The following SH2D4B variants were observed in gnomAD, a reference collection of about 807,000 sequenced individuals.
The protein encoded by SH2D4B is SH2 domain-containing protein 4B.
In SH2D4B, 45 loss-of-function variants were observed where a neutral mutation model predicts 61.5. That is an observed-to-expected ratio of 0.73 (90% confidence interval 0.58 to 0.94). The LOEUF (loss-of-function observed/expected upper bound fraction) is 0.94. Among genes scored for constraint, SH2D4B ranks in the 40% least tolerant of loss-of-function variants. The pLI is 0.00. For missense variants in SH2D4B, 572 were observed against 574.2 expected (o/e 1.00, Z 0.04); for synonymous variants, 224 against 220.4 (o/e 1.02, Z -0.14).
intron 7 of SH2D4B, among the ~76,000 whole-genome samples, chr10:80,635,573 C>G (rs7903153): frequency 6.6e-6 from 1 of 152,122 alleles, no homozygotes; most frequent in South Asian, 2.1e-4. Flanking sequence ...CACAGATACT[C>G]GGGCACTGAG....
At chr10:80,544,371 C>T (rs527741617) in intron 1 of SH2D4B, among the ~76,000 whole-genome samples, 12 of 152,302 alleles carry the variant, frequency 7.9e-5, no homozygotes, top group South Asian at 4.1e-4. Context: ...CCGGATACAC[C>T]GCTTTTAAGA....
At chr10:80,578,715 C>T (rs1386927330) in intron 3 of SH2D4B, among the ~76,000 whole-genome samples, 1 of 152,004 alleles carries the variant, frequency 6.6e-6, no homozygotes, top group Non-Finnish European at 1.5e-5. Flanking sequence ...AGGATGTGGT[C>T]AGATGAAGTT....
chr10:80,576,358 G>A (rs913437544), intron 3 of SH2D4B, among the ~76,000 whole-genome samples: 1 of 152,226 alleles, frequency 6.6e-6, no homozygotes, highest in South Asian at 2.1e-4. Context: ...TTTGATAAAT[G>A]TGAATGTTTA....
chr10:80,574,235 T>G (rs1842097119), intron 3 of SH2D4B, among the ~76,000 whole-genome samples: 1 of 152,130 alleles, frequency 6.6e-6, no homozygotes, highest in African/African-American at 2.4e-5. Context: ...CTCCTGGGCT[T>G]AAGTGATCCT....
intron 3 of SH2D4B, among the ~76,000 whole-genome samples, chr10:80,585,333 T>G (rs1038657094): frequency 6.6e-6 from 1 of 151,534 alleles, no homozygotes. Context: ...TTTCTTTTTT[T>G]TTTTTTTGAG....
chr10:80,563,741 T>C (rs906095648), intron 1 of SH2D4B, among the ~76,000 whole-genome samples: 3 of 152,192 alleles, frequency 2.0e-5, no homozygotes, highest in Non-Finnish European at 4.4e-5. Flanking sequence ...TTTTAAAGAA[T>C]GTACAGGGGC....
intron 3 of SH2D4B, among the ~76,000 whole-genome samples, chr10:80,577,814 G>A (rs982095655): frequency 4.6e-5 from 7 of 151,180 alleles, no homozygotes; most frequent in African/African-American, 9.7e-5. Flanking sequence ...TGCCTGCCTC[G>A]GCCTCCCAAA....
In SH2D4B at chr10:80,544,103, A is replaced by G. The variant is rs1265308567; in HGVS notation, c.184+5588A>G. Among the ~76,000 whole-genome samples the G allele has an allele frequency of 5.9e-5, 9 of 152,228 alleles. 1 individual carries two copies. In the South Asian group the frequency reaches 1.2e-3, roughly 21 times the overall value. On this transcript the variant is annotated intron_variant, in intron 1 of 7. Coordinates refer to ENST00000646907, the MANE Select transcript of SH2D4B (RefSeq NM_001388272.1). ...AAGCTTTGTTCTTTTGCTCTTTGCA[A>G]TAAATCTTGCTATTGCTCACTGTGG...
At chr10:80,564,693 T>G (rs909471725) in intron 1 of SH2D4B, among the ~76,000 whole-genome samples, 1 of 152,242 alleles carries the variant, frequency 6.6e-6, no homozygotes, top group Admixed American at 6.5e-5. Context: ...CTGAATCCTA[T>G]TTTATTCAAC....
chr10:80,622,652 C>T (rs1481413726), intron 6 of SH2D4B, among the ~76,000 whole-genome samples: 1 of 152,202 alleles, frequency 6.6e-6, no homozygotes, highest in Admixed American at 6.5e-5. Flanking sequence ...GCTCCTTGCA[C>T]TCACCCAGGG....
intron 7 of SH2D4B, among the ~76,000 whole-genome samples, chr10:80,637,257 T>C (rs368567814): frequency 2.6e-5 from 4 of 152,220 alleles, no homozygotes; most frequent in Admixed American, 1.3e-4. Context: ...CTTAGGATTG[T>C]CTTGGCAATG....
At chr10:80,576,849 C>T (rs1842131724) in intron 3 of SH2D4B, among the ~76,000 whole-genome samples, 1 of 152,158 alleles carries the variant, frequency 6.6e-6, no homozygotes, top group African/African-American at 2.4e-5. Context: ...CTCACTGAAA[C>T]TTCTGCCTCC....
At chr10:80,571,663 C>G in intron 3 of SH2D4B, 85 bp downstream of exon 3, 1 of 1,528,916 alleles carries the variant, frequency 6.5e-7, no homozygotes, top group Non-Finnish European at 8.9e-7. Flanking sequence ...TGGATCAATC[C>G]TTGGCCATTG....
chr10:80,606,590 C>T (rs370648407), intron 5 of SH2D4B, among the ~76,000 whole-genome samples: 1 of 152,108 alleles, frequency 6.6e-6, no homozygotes, highest in Non-Finnish European at 1.5e-5. Context: ...TCAGGTGATC[C>T]GCCCACCTCG....
chr10:80,643,920 ACTCT>A (rs931240734), intron 7 of SH2D4B, 69 bp from the exon 8 acceptor site: 14 of 1,131,750 alleles, frequency 1.2e-5, no homozygotes, highest in Non-Finnish European at 1.8e-5. Context: ...GTCTTGAACC[ACTCT>A]CTCTCTCTCA....
At chr10:80,594,626 G>A (rs536625661) in intron 4 of SH2D4B, among the ~76,000 whole-genome samples, 19 of 152,214 alleles carry the variant, frequency 1.2e-4, no homozygotes, top group Admixed American at 3.3e-4. Context: ...GTTTCTTTAC[G>A]GGAATTTTTT....
intron 1 of SH2D4B, among the ~76,000 whole-genome samples, chr10:80,569,748 A>G (rs144212400): frequency 7.9e-5 from 12 of 152,272 alleles, no homozygotes; most frequent in African/African-American, 2.6e-4. Flanking sequence ...CAGTTAAACT[A>G]TACACTAAAT....
Position 80,538,928 on chromosome 10 carries a change from TTGGCA to T in SH2D4B, c.184+416_184+420del, listed in dbSNP as rs1226380638. ...GTGTAGATATGCAGTTCCTTTCTCC[TTGGCA>T]TGCGTGGCACACCAGTTCTTGGCTA... is the stretch of plus-strand genomic sequence containing the variant. On this transcript the variant is annotated intron_variant, in intron 1 of 7. Transcript: ENST00000646907. This position sits in a 1 kb window ranked among gnomAD's most constrained non-coding sequence, Gnocchi z 4.8. Among the ~76,000 whole-genome samples the T allele has an allele frequency of 6.6e-6, 1 of 151,956 alleles. No individual in the cohort carries two copies. The highest frequency in any genetic ancestry group is 1.5e-5 in the Non-Finnish European group (1 of 67,956).
At chr10:80,618,223 A>G (rs1842680794) in intron 6 of SH2D4B, among the ~76,000 whole-genome samples, 1 of 152,184 alleles carries the variant, frequency 6.6e-6, no homozygotes, top group Non-Finnish European at 1.5e-5. Context: ...ATATTAAACA[A>G]TCATGCCATA....
Sources: gnomAD v4.1 joint callset for allele counts (sites outside exome capture counted in the v4.1 genomes callset) on GRCh38, gnomAD v4.1.1 for gene constraint, Gnocchi (gnomAD v3.1) non-coding constraint, MANE v1.5 for transcripts, NCBI Gene and HGNC (gene_info 2026-07-23, HGNC 2026-07-21) for gene names.